PRUNE2: variants seen among roughly 807,000 people sequenced by gnomAD.
PRUNE2 encodes the protein protein prune homolog 2.
PRUNE2 carries 164 observed loss-of-function variants against 252.0 expected under a neutral mutation model. The observed-to-expected ratio is 0.65, with a 90% CI of 0.57 to 0.74. The LOEUF is 0.74. Among genes scored for constraint, PRUNE2 ranks in the 30% least tolerant of loss-of-function variants. The probability of loss-of-function intolerance (pLI) is 0.00; values close to 1 mark genes in which losing one functional copy is unlikely to be tolerated. For missense variants in PRUNE2, 3,495 were observed against 3,711.0 expected, an observed-to-expected ratio of 0.94 and a Z score of 1.51; for synonymous variants, 1,292 against 1,350.2, an observed-to-expected ratio of 0.96 and a Z score of 0.94.
Position 76,655,415 on chromosome 9 carries a change from G to A in PRUNE2, c.8356+8C>T, listed in dbSNP as rs377498124. On this transcript the variant is annotated splice_region_variant and intron_variant, in intron 10 of 18. Coordinates refer to ENST00000376718, the MANE Select transcript of PRUNE2 (RefSeq NM_015225.3). ...CCAACGAAGGAAATGAACAAATGCTGCTCTCACCAGGCCTCATGTCTGCAG... is the reference window on the plus strand; with the variant it reads ...CCAACGAAGGAAATGAACAAATGCTACTCTCACCAGGCCTCATGTCTGCAG... The A allele has an allele frequency of 1.9e-6, 3 of 1,601,540 alleles. No individual in the cohort carries two copies. Among genetic ancestry groups the A allele is most frequent in the Non-Finnish European group, 2.6e-6 (3 of 1,170,496 alleles).
At chr9:76,681,582 T>C (rs2043440662) in intron 9 of PRUNE2, among the ~76,000 whole-genome samples, 3 of 152,186 alleles carry the variant, frequency 2.0e-5, no homozygotes, top group African/African-American at 4.8e-5. Context: ...CTGTGGGATC[T>C]GTCTGTGAAG....
In PRUNE2 at chr9:76,704,907, G is replaced by C; in HGVS notation, c.7367C>G (p.Ala2456Gly). 5.6e-6 allele frequency: 9 copies of C among 1,610,992 alleles called. No individual in the cohort carries two copies. Among genetic ancestry groups the C allele is most frequent in the Non-Finnish European group, 6.8e-6 (8 of 1,178,420 alleles). ...TKNRLPGSQL[A>G]VLHIREDPES... is the part of the protein sequence containing the mutation. ...AGGGTCTTCACGAATATGCAGCACA[G>C]CCAGCTGGGATCCAGGCAGTCTGTT... Residue 2456 changes from alanine (A) to glycine (G), a missense_variant, in exon 8 of 19, where the codon GCT becomes GGT. Physicochemically the swap from Ala to Gly is moderately conservative, Grantham distance 60 (BLOSUM62 0). Coordinates refer to ENST00000376718, the MANE Select transcript of PRUNE2 (RefSeq NM_015225.3).
At chr9:76,785,785 CTTTGACCCATTA>C (rs1412210449) in intron 6 of PRUNE2, 1 of 151,994 alleles carries the variant, frequency 6.6e-6, no homozygotes. Context: ...GCCTCTCTCT[CTTTGACCCATTA>C]TTTCAGACTT....
chr9:76,642,986 T>C (rs1392706605), intron 12 of PRUNE2, among the ~76,000 whole-genome samples: 4 of 151,970 alleles, frequency 2.6e-5, no homozygotes, highest in Non-Finnish European at 5.9e-5. Flanking sequence ...CGACACAGAA[T>C]GGAGACGAGC....
At chr9:76,781,395 C>A (rs1302460540) in intron 6 of PRUNE2, among the ~76,000 whole-genome samples, 2 of 152,206 alleles carry the variant, frequency 1.3e-5, no homozygotes, top group African/African-American at 4.8e-5. Flanking sequence ...AATGAATTTT[C>A]TTTCAGTTTC....
At position 76,850,548 on chromosome 9, in the gene PRUNE2, T is replaced by C. The variant is rs769605371; in HGVS notation, c.259A>G (p.Ile87Val). The C allele has an allele frequency of 3.7e-6, 6 of 1,613,814 alleles. No individual in the cohort carries two copies. The highest frequency in any genetic ancestry group is 1.6e-4 in the Middle Eastern group (1 of 6,084). The change falls in exon 3 of 19, where the codon ATA becomes GTA. Residue 87 changes from isoleucine to valine, a missense_variant. By Grantham distance (29) the Ile-to-Val change is conservative. Coordinates refer to ENST00000376718, the MANE Select transcript of PRUNE2 (RefSeq NM_015225.3). ...TGCAGGTTAATTTCATCCCGGAATA[T>C]GTGGAATGATTCGGAAATATTTAGC... ...EELNISESFH[I>V]FRDEINLHQL...
intron 1 of PRUNE2, among the ~76,000 whole-genome samples, chr9:76,902,997 C>T (rs2063271305): frequency 6.6e-6 from 1 of 152,184 alleles, no homozygotes; most frequent in Non-Finnish European, 1.5e-5. Flanking sequence ...AGAGTGATCT[C>T]CTAACTTATT....
At chr9:76,639,494 A>AAAAC (rs374196758) in intron 12 of PRUNE2, among the ~76,000 whole-genome samples, 1 of 152,190 alleles carries the variant, frequency 6.6e-6, no homozygotes, top group African/African-American at 2.4e-5. Flanking sequence ...CTGTCTCAAA[A>AAAAC]AAACAAACAA....
At chr9:76,693,328 GA>G (rs1375742736) in intron 9 of PRUNE2, among the ~76,000 whole-genome samples, 1 of 151,094 alleles carries the variant, frequency 6.6e-6, no homozygotes, top group Non-Finnish European at 1.5e-5. Context: ...AGAATAGGGG[GA>G]TGGGCAATTT....
At chr9:76,746,439 C>T (rs1433723663) in intron 6 of PRUNE2, among the ~76,000 whole-genome samples, 1 of 152,040 alleles carries the variant, frequency 6.6e-6, no homozygotes, top group Non-Finnish European at 1.5e-5. Context: ...GGCGCGGTGG[C>T]TCACGCCTGT....
Position 76,614,478 on chromosome 9 carries a change from A to G in PRUNE2, c.*92T>C. ...AATGGCACCAGGTAGTGCAAAGTGG[A>G]AAAAGGTAACATCAGCCCTGTCTCT... On this transcript the variant is annotated 3_prime_UTR_variant, in exon 19 of 19. Coordinates refer to ENST00000376718, the MANE Select transcript of PRUNE2 (RefSeq NM_015225.3). 1 of 1,071,594 alleles carries G rather than the reference A, an allele frequency of 9.3e-7. No homozygotes were observed. Among genetic ancestry groups the G allele is most frequent in the Non-Finnish European group, 1.4e-6 (1 of 703,960 alleles). 66.4% of individuals were successfully genotyped at this position (1,071,594 alleles called of 1,614,324 possible). A position where few individuals can be genotyped will look rare whatever the true frequency, so the allele number is the denominator to read the frequency against.
intron 1 of PRUNE2, among the ~76,000 whole-genome samples, chr9:76,863,654 C>A (rs7847282): frequency 0.026 from 3,931 of 152,240 alleles, 171 homozygotes; most frequent in African/African-American, 0.089. Flanking sequence ...AACAGCAGCA[C>A]ACTCTGTACA....
intron 11 of PRUNE2, among the ~76,000 whole-genome samples, chr9:76,649,496 G>C (rs945334057): frequency 1.3e-5 from 2 of 152,106 alleles, no homozygotes; most frequent in Non-Finnish European, 2.9e-5. Context: ...TAAGGTAGGA[G>C]GGTCACCTGA....
At chr9:76,852,101 A>G (rs772724156) in intron 2 of PRUNE2, among the ~76,000 whole-genome samples, 11 of 152,202 alleles carry the variant, frequency 7.2e-5, no homozygotes, top group Non-Finnish European at 1.5e-4. Flanking sequence ...TTTCCAGTGT[A>G]TAAACCAGTC....
intron 6 of PRUNE2, among the ~76,000 whole-genome samples, chr9:76,726,763 T>A (rs935105295): frequency 6.6e-6 from 1 of 152,232 alleles, no homozygotes; most frequent in African/African-American, 2.4e-5. Context: ...GCCCTTGAAG[T>A]CTTCAGAAGC....
At chr9:76,692,069 C>G (rs1192083851) in intron 9 of PRUNE2, 3 of 717,370 alleles carry the variant, frequency 4.2e-6, no homozygotes, top group Non-Finnish European at 7.8e-6. Flanking sequence ...CCAGGACCCA[C>G]CTACCTTCTG....
intron 6 of PRUNE2, chr9:76,778,808 C>T (rs1330593340): frequency 2.0e-5 from 3 of 152,150 alleles, no homozygotes; most frequent in Admixed American, 6.5e-5. Context: ...TGGCATAACA[C>T]CAAATTTAAT....
intron 6 of PRUNE2, among the ~76,000 whole-genome samples, chr9:76,755,448 A>G (rs2051053101): frequency 6.6e-6 from 1 of 152,190 alleles, no homozygotes; most frequent in East Asian, 1.9e-4. Flanking sequence ...ATATAAAAAA[A>G]AATACTCAGC....
chr9:76,881,864 G>C (rs1040293714), intron 1 of PRUNE2, among the ~76,000 whole-genome samples: 35 of 151,608 alleles, frequency 2.3e-4, no homozygotes, highest in African/African-American at 8.5e-4. Flanking sequence ...CTCGTGATCT[G>C]CCCGCCTCGG....
Sources: gnomAD v4.1 joint callset for allele counts (sites outside exome capture counted in the v4.1 genomes callset) on GRCh38, gnomAD v4.1.1 for gene constraint, MANE v1.5 for transcripts, NCBI Gene and HGNC (gene_info 2026-07-23, HGNC 2026-07-21) for gene names.